BANK1: variants seen among roughly 807,000 people sequenced by gnomAD.
BANK1 encodes B cell scaffold protein with ankyrin repeats 1, also known as B-cell scaffold protein with ankyrin repeats.
In BANK1, 95 loss-of-function variants were observed where a neutral mutation model predicts 94.5. The ratio of observed to expected loss-of-function variants is 1.00; its 90% CI spans 0.85 to 1.19. The LOEUF is 1.19. BANK1 is among the 50% of genes most tolerant of loss of function. The pLI is 0.00. For missense variants in BANK1, 987 were observed against 932.2 expected (o/e 1.06, Z -0.77); for synonymous variants, 334 against 308.4 (o/e 1.08, Z -0.87).
chr4:101,871,655 T>C (rs2148881536), intron 5 of BANK1, among the ~76,000 whole-genome samples: 1 of 152,300 alleles, frequency 6.6e-6, no homozygotes, highest in Middle Eastern at 3.4e-3. Flanking sequence ...AATGTCTATA[T>C]TGTAATTCCA....
At chr4:101,856,074 C>G (rs532543168) in intron 3 of BANK1, among the ~76,000 whole-genome samples, 2 of 152,252 alleles carry the variant, frequency 1.3e-5, no homozygotes, top group African/African-American at 4.8e-5. Context: ...AGGAGTCTTT[C>G]TGATAGAAGC....
intron 5 of BANK1, among the ~76,000 whole-genome samples, chr4:101,875,288 G>A (rs1728447484): frequency 6.6e-6 from 1 of 152,046 alleles, no homozygotes; most frequent in African/African-American, 2.4e-5. Flanking sequence ...TATTATAACA[G>A]AAAATAAAAC....
At chr4:101,988,522 A>G (rs1725591107) in intron 7 of BANK1, among the ~76,000 whole-genome samples, 1 of 152,184 alleles carries the variant, frequency 6.6e-6, no homozygotes, top group Admixed American at 6.5e-5. Flanking sequence ...TCAACAAAGT[A>G]TTTTTGAAAA....
chr4:102,007,135 A>AT (rs1560682227), intron 7 of BANK1, among the ~76,000 whole-genome samples: 3,485 of 50,842 alleles, frequency 0.069, 273 homozygotes, highest in Non-Finnish European at 0.1. Flanking sequence ...TATATATATA[A>AT]AAAATATATT....
At chr4:101,990,147 T>C (rs914379589) in intron 7 of BANK1, among the ~76,000 whole-genome samples, 12 of 152,304 alleles carry the variant, frequency 7.9e-5, no homozygotes, top group Middle Eastern at 3.4e-3. Context: ...CTTTAGAGAA[T>C]ATTGGCATAT....
intron 7 of BANK1, chr4:101,977,228 C>T (rs1725165985): frequency 2.0e-5 from 3 of 152,094 alleles, no homozygotes; most frequent in Admixed American, 6.6e-5. Flanking sequence ...TGGCAGACTT[C>T]ATCATTACTC....
chr4:102,072,255 T>G, intron 14 of BANK1, 90 bp from the exon 15 acceptor site: 1 of 1,128,836 alleles, frequency 8.9e-7, no homozygotes, highest in Non-Finnish European at 1.3e-6. Flanking sequence ...TATCTTACCT[T>G]TGTAGAAATC....
chr4:102,004,119 C>T (rs1726169747), intron 7 of BANK1, among the ~76,000 whole-genome samples: 1 of 152,018 alleles, frequency 6.6e-6, no homozygotes, highest in Non-Finnish European at 1.5e-5. Context: ...CATCTATCTG[C>T]CCTCCACTAG....
intron 1 of BANK1, among the ~76,000 whole-genome samples, chr4:101,802,773 G>T (rs1725398621): frequency 6.6e-6 from 1 of 152,104 alleles, no homozygotes; most frequent in African/African-American, 2.4e-5. Context: ...GAATAAAATT[G>T]GTGCTCTGTA....
chr4:101,918,722 A>G (rs10014485), intron 7 of BANK1, among the ~76,000 whole-genome samples: 10,473 of 152,034 alleles, frequency 0.069, 501 homozygotes, highest in Non-Finnish European at 0.1. Flanking sequence ...ATGCTGATAA[A>G]TTATCAAAAT....
chr4:102,002,238 A>G (rs1385192764), intron 7 of BANK1, among the ~76,000 whole-genome samples: 4 of 152,178 alleles, frequency 2.6e-5, no homozygotes, highest in Non-Finnish European at 5.9e-5. Flanking sequence ...TGGATGTGAC[A>G]CATAGTGGTT....
intron 7 of BANK1, among the ~76,000 whole-genome samples, chr4:101,984,631 A>C (rs1027681568): frequency 6.6e-6 from 1 of 152,188 alleles, no homozygotes; most frequent in African/African-American, 2.4e-5. Context: ...AACTTAATTA[A>C]AGACAGAATT....
At chr4:101,949,830 C>A (rs941525727) in intron 7 of BANK1, among the ~76,000 whole-genome samples, 1 of 152,034 alleles carries the variant, frequency 6.6e-6, no homozygotes, top group Admixed American at 6.6e-5. Context: ...TGAAATTGAG[C>A]CTAAATTTCT....
intron 1 of BANK1, among the ~76,000 whole-genome samples, chr4:101,793,823 G>T (rs1725068651): frequency 6.6e-6 from 1 of 152,108 alleles, no homozygotes; most frequent in Non-Finnish European, 1.5e-5. Context: ...AATAGTAACT[G>T]CTTTATACAT....
intron 4 of BANK1, among the ~76,000 whole-genome samples, chr4:101,862,980 T>G (rs879813364): frequency 4.6e-5 from 7 of 152,072 alleles, no homozygotes; most frequent in African/African-American, 1.7e-4. Context: ...TGTTTGCTTT[T>G]TTGTGACATT....
chr4:101,922,046 G>GTGTA (rs1553932983), intron 7 of BANK1, among the ~76,000 whole-genome samples: 3 of 151,302 alleles, frequency 2.0e-5, no homozygotes, highest in African/African-American at 4.8e-5. Flanking sequence ...GTGTGTGTGT[G>GTGTA]TGTGTGTGTG....
chr4:101,903,548 A>G (rs969926519), intron 6 of BANK1, among the ~76,000 whole-genome samples: 2 of 152,210 alleles, frequency 1.3e-5, no homozygotes, highest in Non-Finnish European at 2.9e-5. Flanking sequence ...TAGCAAATCT[A>G]GAGTCTTCTC....
At chr4:101,884,862 A>G (rs190972018) in intron 5 of BANK1, among the ~76,000 whole-genome samples, 3 of 152,034 alleles carry the variant, frequency 2.0e-5, no homozygotes, top group Admixed American at 2.0e-4. Context: ...CACACCTCCT[A>G]CTATCTCAAA....
At chr4:101,936,343 A>C (rs113256700) in intron 7 of BANK1, among the ~76,000 whole-genome samples, 4 of 150,458 alleles carry the variant, frequency 2.7e-5, no homozygotes, top group African/African-American at 9.7e-5. Flanking sequence ...ATATATGTAC[A>C]TATACATGTA....
Sources: gnomAD v4.1 joint callset for allele counts (sites outside exome capture counted in the v4.1 genomes callset) on GRCh38, gnomAD v4.1.1 for gene constraint, MANE v1.5 for transcripts, NCBI Gene and HGNC (gene_info 2026-07-23, HGNC 2026-07-21) for gene names.